The following OPRL1 variants were observed in gnomAD, a reference collection of about 807,000 sequenced individuals.
OPRL1 encodes the protein nociceptin receptor.
OPRL1 carries 5 observed loss-of-function variants against 15.5 expected under a neutral mutation model. That is an observed-to-expected ratio of 0.32 (90% CI 0.17 to 0.68). The LOEUF (loss-of-function observed/expected upper bound fraction) is 0.68. Ranked by LOEUF, OPRL1 falls within the 30% of genes least tolerant of loss-of-function variation. The pLI is 0.72. For missense variants in OPRL1, 406 were observed against 515.3 expected, an observed-to-expected ratio of 0.79 and a Z score of 2.05; for synonymous variants, 223 against 230.2, an observed-to-expected ratio of 0.97 and a Z score of 0.28.
rs2060107949 is a variant in OPRL1 at position 64,090,412 on chromosome 20, C to G, written c.-184-1554C>G. Among the ~76,000 whole-genome samples the G allele has an allele frequency of 6.6e-6, 1 of 152,208 alleles. No individual in the cohort carries two copies. The highest frequency in any genetic ancestry group is 1.5e-5 in the Non-Finnish European group (1 of 68,036). ...CTGGGGCATCTGCCTGTTCCGTCCT[C>G]TCCTGATTTGCCAGGTATCCTAGCA... On this transcript the variant is annotated intron_variant, in intron 1 of 4. Coordinates refer to ENST00000336866, the MANE Select transcript of OPRL1 (RefSeq NM_182647.4). The surrounding 1 kb of genome is among the most constrained non-coding windows in gnomAD (Gnocchi z 4.9).
intron 1 of OPRL1, among the ~76,000 whole-genome samples, chr20:64,088,207 G>A (rs979660772): frequency 1.3e-5 from 2 of 152,356 alleles, no homozygotes; most frequent in African/African-American, 4.8e-5. Context: ...AGGCTTCTTG[G>A]AGGAGGTAGG....
chr20:64,082,442 C>T (rs1441931730), intron 1 of OPRL1, among the ~76,000 whole-genome samples: 2 of 152,204 alleles, frequency 1.3e-5, no homozygotes, highest in Admixed American at 1.3e-4. Context: ...GGGCTCCACC[C>T]CCTGGCCGGG....
In OPRL1 at chr20:64,089,566, CTT is replaced by C. The variant is rs2060100276; in HGVS notation, c.-184-2398_-184-2397del. 1.3e-5 allele frequency among the ~76,000 whole-genome samples: 2 copies of C among 152,186 alleles called. No homozygotes were observed. Among genetic ancestry groups the C allele is most frequent in the African/African-American group, 4.8e-5 (2 of 41,442 alleles). Reference sequence around the variant, plus strand: ...ATCTCTCCATACTTCCTCCCCACTCCTTTCCCTTTCCTCCTCCTCCCCATCCC... The same window carrying C: ...ATCTCTCCATACTTCCTCCCCACTCCTCCCTTTCCTCCTCCTCCCCATCCC... On this transcript the variant is annotated intron_variant, in intron 1 of 4. Coordinates refer to ENST00000336866, the MANE Select transcript of OPRL1 (RefSeq NM_182647.4). This position sits in a 1 kb window ranked among gnomAD's most constrained non-coding sequence, Gnocchi z 5.5.
intron 3 of OPRL1, among the ~76,000 whole-genome samples, chr20:64,096,809 CCAT>C (rs1432297716): frequency 3.4e-5 from 5 of 147,114 alleles, no homozygotes; most frequent in South Asian, 2.1e-4. Flanking sequence ...CTCACCACCA[CCAT>C]CACCACCATC....
At position 64,098,424 on chromosome 20, in the gene OPRL1, CCTGCTCTCGGGCTCCCGAGAGA is replaced by C. The variant is rs775205207; in HGVS notation, c.739_760del (p.Leu247ArgfsTer15). 6.2e-7 allele frequency: 1 copy of C among 1,613,576 alleles called. No individual in the cohort carries two copies. Among genetic ancestry groups the C allele is most frequent in the South Asian group, 1.1e-5 (1 of 91,084 alleles). Reference sequence around the variant, plus strand: ...TGATCCGGCGGCTCCGTGGAGTCCGCCTGCTCTCGGGCTCCCGAGAGAAGGACCGGAACCTGCGGCGCATCAC... The same window carrying C: ...TGATCCGGCGGCTCCGTGGAGTCCGCAGGACCGGAACCTGCGGCGCATCAC... On this transcript the variant is annotated frameshift_variant, in exon 5 of 5. Coordinates refer to ENST00000336866, the MANE Select transcript of OPRL1 (RefSeq NM_182647.4). LOFTEE classifies it high-confidence loss of function.
At chr20:64,087,104 G>C (rs1423552932) in intron 1 of OPRL1, among the ~76,000 whole-genome samples, 1 of 152,174 alleles carries the variant, frequency 6.6e-6, no homozygotes, top group Non-Finnish European at 1.5e-5. Flanking sequence ...GTGGACACAA[G>C]CTCTGTGCTG....
intron 2 of OPRL1, 111 bp downstream of exon 2, chr20:64,092,227 T>C (rs531225123): frequency 2.2e-3 from 339 of 157,028 alleles, no homozygotes; most frequent in Non-Finnish European, 1.9e-3. Flanking sequence ...TTTCTGGGTG[T>C]GTCTCAGTCT....
At position 64,089,552 on chromosome 20, in the gene OPRL1, C is replaced by A. The variant is rs1336627942; in HGVS notation, c.-184-2414C>A. Among the ~76,000 whole-genome samples, 1 of 152,174 alleles carries A rather than the reference C, an allele frequency of 6.6e-6. No individual in the cohort carries two copies. The highest frequency in any genetic ancestry group is 1.5e-5 in the Non-Finnish European group (1 of 68,032). ...CATCCTCTCTCTTGATCTCTCCATA[C>A]TTCCTCCCCACTCCTTTCCCTTTCC... On this transcript the variant is annotated intron_variant, in intron 1 of 4. Transcript: ENST00000336866. This position sits in a 1 kb window ranked among gnomAD's most constrained non-coding sequence, Gnocchi z 5.5.
At chr20:64,088,484 C>T (rs1389036266) in intron 1 of OPRL1, among the ~76,000 whole-genome samples, 1 of 147,744 alleles carries the variant, frequency 6.8e-6, no homozygotes, top group Non-Finnish European at 1.5e-5. Flanking sequence ...AGGATCTGTA[C>T]AGAGGGACCA....
At position 64,089,598 on chromosome 20, in the gene OPRL1, C is replaced by T. The variant is rs1193612935; in HGVS notation, c.-184-2368C>T. Among the ~76,000 whole-genome samples, 2 of 152,218 alleles carry T rather than the reference C, an allele frequency of 1.3e-5. No individual in the cohort carries two copies. Among genetic ancestry groups the T allele is most frequent in the Admixed American group, 1.3e-4 (2 of 15,280 alleles). On this transcript the variant is annotated intron_variant, in intron 1 of 4. Transcript: ENST00000336866. The surrounding 1 kb of genome is among the most constrained non-coding windows in gnomAD (Gnocchi z 5.5). The stretch of plus-strand genomic sequence containing the variant: ...TTTCCTCCTCCTCCCCATCCCAACC[C>T]CTCATCCTCCCTGTCTCTGCCTGTA...
At chr20:64,095,273 G>C (rs1186084420) in intron 3 of OPRL1, among the ~76,000 whole-genome samples, 1 of 77,028 alleles carries the variant, frequency 1.3e-5, no homozygotes, top group Non-Finnish European at 2.6e-5. Context: ...GTGTGGGGGG[G>C]ATAGTGTGGG....
chr20:64,096,705 A>G (rs1175158594), intron 3 of OPRL1, among the ~76,000 whole-genome samples: 1 of 151,346 alleles, frequency 6.6e-6, no homozygotes, highest in Non-Finnish European at 1.5e-5. Flanking sequence ...TCATCATCAC[A>G]ATCATCACCA....
At position 64,097,758 on chromosome 20, in the gene OPRL1, C is replaced by T. The variant is rs1186900497; in HGVS notation, c.234-44C>T. 1.9e-6 allele frequency: 3 copies of T among 1,556,984 alleles called. No individual in the cohort carries two copies. The East Asian group carries it at 6.8e-5, about 35-fold the overall frequency. On this transcript the variant is annotated intron_variant, in intron 3 of 4. Coordinates refer to ENST00000336866, the MANE Select transcript of OPRL1 (RefSeq NM_182647.4). This position sits in a 1 kb window ranked among gnomAD's most constrained non-coding sequence, Gnocchi z 4.2. ...CCTTGCCCTTTGCTGCCTGGTCCAG[C>T]CAGCATGGCCAAGTGAAGCCTTTCT...
chr20:64,096,561 G>A lies in OPRL1; in HGVS notation c.234-1241G>A, dbSNP rs1014359271. 3.3e-5 allele frequency among the ~76,000 whole-genome samples: 5 copies of A among 152,160 alleles called. No individual in the cohort carries two copies. The East Asian group carries it at 5.8e-4, about 18-fold the overall frequency. On this transcript the variant is annotated intron_variant, in intron 3 of 4. Transcript: ENST00000336866. ...TCATTGTTGTTGTCTCTTCGTAATT[G>A]CGGCCTCTTTGTGCTTATTCATAAT...
Position 64,083,334 on chromosome 20 carries a change from C to G in OPRL1, c.-185+2982C>G. The stretch of plus-strand genomic sequence containing the variant: ...AGGCAGCGTCCATACTCCCCGCTTC[C>G]CTCGGGGTCCTGGGGAGTGGCAGCA... On this transcript the variant is annotated intron_variant, in intron 1 of 4. Coordinates refer to ENST00000336866, the MANE Select transcript of OPRL1 (RefSeq NM_182647.4). The surrounding 1 kb of genome is among the most constrained non-coding windows in gnomAD (Gnocchi z 4.9). 2 of 1,553,280 alleles carry G rather than the reference C, an allele frequency of 1.3e-6. No individual in the cohort carries two copies. Among genetic ancestry groups the G allele is most frequent in the Non-Finnish European group, 1.8e-6 (2 of 1,137,450 alleles).
Position 64,089,462 on chromosome 20 carries a change from C to T in OPRL1, c.-184-2504C>T, listed in dbSNP as rs2060099377. Among the ~76,000 whole-genome samples, 1 of 152,040 alleles carries T rather than the reference C, an allele frequency of 6.6e-6. No homozygotes were observed. Among genetic ancestry groups the T allele is most frequent in the Non-Finnish European group, 1.5e-5 (1 of 67,976 alleles). ...GGAGCTAGGTCTGACCTCGTCCCCC[C>T]TCCTTTCTTCCTGTCCTCCTATCCC... is the stretch of plus-strand genomic sequence containing the variant. On this transcript the variant is annotated intron_variant, in intron 1 of 4. Coordinates refer to ENST00000336866, the MANE Select transcript of OPRL1 (RefSeq NM_182647.4). The surrounding 1 kb of genome is among the most constrained non-coding windows in gnomAD (Gnocchi z 5.5).
Position 64,098,148 on chromosome 20 carries a change from G to A in OPRL1, c.580G>A (p.Glu194Lys), listed in dbSNP as rs1403038691. ...PVAIMGSAQVEDEEIECLVEI... is the reference protein window; with the variant it reads ...PVAIMGSAQVKDEEIECLVEI... The stretch of plus-strand genomic sequence containing the variant: ...TGCCATCATGGGCTCGGCACAGGTC[G>A]AGGATGAAGGTCAGTGGGGTGTCCC... The change falls in exon 4 of 5, where the codon GAG becomes AAG. Residue 194 changes from glutamate to lysine, a missense_variant. By Grantham distance (56) the Glu-to-Lys change is moderately conservative. Coordinates refer to ENST00000336866, the MANE Select transcript of OPRL1 (RefSeq NM_182647.4). 24 of 1,612,776 alleles carry A rather than the reference G, an allele frequency of 1.5e-5. No individual in the cohort carries two copies. The highest frequency in any genetic ancestry group is 1.7e-4 in the Middle Eastern group (1 of 6,058).
intron 4 of OPRL1, 52 bp downstream of exon 4, chr20:64,098,209 G>A (rs1477228986): frequency 6.2e-7 from 1 of 1,603,078 alleles, no homozygotes; most frequent in Admixed American, 1.7e-5. Context: ...CTCCCGGGTG[G>A]CTCCTCTGGG....
chr20:64,083,780 C>T lies in OPRL1; in HGVS notation c.-185+3428C>T, dbSNP rs1345054807. The stretch of plus-strand genomic sequence containing the variant: ...CCCGGCCGGCTCCGCTCAACGCTCC[C>T]GGTGCGCCCCCTCTGCCCTCCGACC... On this transcript the variant is annotated intron_variant, in intron 1 of 4. Coordinates refer to ENST00000336866, the MANE Select transcript of OPRL1 (RefSeq NM_182647.4). The surrounding 1 kb of genome is among the most constrained non-coding windows in gnomAD (Gnocchi z 4.9). 11 of 1,333,566 alleles carry T rather than the reference C, an allele frequency of 8.2e-6. No homozygotes were observed. The Admixed American group carries it at 3.7e-4, about 45-fold the overall frequency. 82.6% of individuals were successfully genotyped at this position (1,333,566 alleles called of 1,614,324 possible).
Sources: allele counts gnomAD v4.1 joint callset (sites outside exome capture counted in the v4.1 genomes callset), GRCh38; gene constraint gnomAD v4.1.1; non-coding constraint Gnocchi (gnomAD v3.1); transcripts MANE v1.5; gene names NCBI Gene and HGNC (gene_info 2026-07-23, HGNC 2026-07-21).